Variants in CACNA1E observed in about 807,000 individuals in gnomAD.
The protein encoded by CACNA1E is voltage-dependent R-type calcium channel subunit alpha-1E.
A neutral mutation model predicts 259.2 loss-of-function variants in CACNA1E; 40 were observed. That is an observed-to-expected ratio of 0.15 (90% CI 0.12 to 0.20). The LOEUF (loss-of-function observed/expected upper bound fraction) is 0.20, where lower values mean the gene tolerates loss of function less well. Ranked by LOEUF, CACNA1E falls within the 10% of genes least tolerant of loss-of-function variation. The pLI, the probability that CACNA1E is intolerant of heterozygous loss-of-function variation, is 1.00. For missense variants in CACNA1E, 1,874 were observed against 3,040.1 expected, an observed-to-expected ratio of 0.62 and a Z score of 9.02; for synonymous variants, 1,104 against 1,138.5, an observed-to-expected ratio of 0.97 and a Z score of 0.61.
intron 1 of CACNA1E, among the ~76,000 whole-genome samples, chr1:181,393,795 G>A (rs1656464734): frequency 1.3e-5 from 2 of 152,208 alleles, no homozygotes; most frequent in Admixed American, 6.5e-5. Context: ...GGGGCAGTGA[G>A]TACTCATCTG....
chr1:181,601,702 G>T (rs1653763236), intron 6 of CACNA1E, among the ~76,000 whole-genome samples: 1 of 152,172 alleles, frequency 6.6e-6, no homozygotes, highest in African/African-American at 2.4e-5. Flanking sequence ...AGTTAGTGCA[G>T]TCTCTCCCTG....
intron 1 of CACNA1E, among the ~76,000 whole-genome samples, chr1:181,502,728 T>C (rs145263675): frequency 1.2e-3 from 178 of 152,318 alleles, no homozygotes; most frequent in African/African-American, 4.0e-3. Flanking sequence ...AGACAGAGTC[T>C]CACCCTGTCC....
intron 1 of CACNA1E, among the ~76,000 whole-genome samples, chr1:181,488,253 G>A (rs540496812): frequency 1.3e-5 from 2 of 152,130 alleles, no homozygotes; most frequent in Non-Finnish European, 2.9e-5. Context: ...CTGAGGTCCC[G>A]GTAAGAATTT....
chr1:181,548,039 T>A (rs1487133006), intron 3 of CACNA1E, among the ~76,000 whole-genome samples: 1 of 152,210 alleles, frequency 6.6e-6, no homozygotes, highest in African/African-American at 2.4e-5. Flanking sequence ...CATTGTCAGC[T>A]TTGCCTTAAT....
intron 1 of CACNA1E, among the ~76,000 whole-genome samples, chr1:181,355,504 C>T (rs1168397818): frequency 2.0e-5 from 3 of 152,166 alleles, no homozygotes; most frequent in Admixed American, 6.5e-5. Context: ...AGGAGAATCA[C>T]TTGAACCCGG....
intron 1 of CACNA1E, among the ~76,000 whole-genome samples, chr1:181,369,322 C>T (rs777045840): frequency 1.3e-5 from 2 of 152,182 alleles, no homozygotes; most frequent in Admixed American, 1.3e-4. Context: ...GCCGCATCTT[C>T]GGGCTCTGTT....
At chr1:181,586,036 G>A (rs2103002086) in intron 6 of CACNA1E, among the ~76,000 whole-genome samples, 1 of 152,046 alleles carries the variant, frequency 6.6e-6, no homozygotes, top group Non-Finnish European at 1.5e-5. Flanking sequence ...CAAGGTTATA[G>A]CAAGGATATA....
chr1:181,701,695 C>A (rs962961682), intron 7 of CACNA1E, among the ~76,000 whole-genome samples: 2 of 152,110 alleles, frequency 1.3e-5, no homozygotes, highest in African/African-American at 4.8e-5. Flanking sequence ...AAGTGTGGTC[C>A]CCTAGCCCTT....
chr1:181,513,163 A>G (rs1394967478), intron 3 of CACNA1E, among the ~76,000 whole-genome samples: 1 of 152,216 alleles, frequency 6.6e-6, no homozygotes, highest in Non-Finnish European at 1.5e-5. Flanking sequence ...TTTGTTTTAA[A>G]TGATTATATG....
rs777187664 is a variant in CACNA1E, at chr1:181,766,534, C to T, written c.4816-12C>T. The T allele has an allele frequency of 1.9e-6, 3 of 1,606,552 alleles. No homozygotes were observed. Among genetic ancestry groups the T allele is most frequent in the Non-Finnish European group, 1.7e-6 (2 of 1,173,300 alleles). ...TTCTTTGATTAACGTCTTATCTCTGCTTTCCTTCCAGGCCCTCCCTTATGT... is the reference window on the plus strand; with the variant it reads ...TTCTTTGATTAACGTCTTATCTCTGTTTTCCTTCCAGGCCCTCCCTTATGT... On this transcript the variant is annotated splice_polypyrimidine_tract_variant and intron_variant, in intron 34 of 47. Transcript: ENST00000367573.
At chr1:181,588,535 A>G (rs1474073835) in intron 6 of CACNA1E, among the ~76,000 whole-genome samples, 2 of 152,068 alleles carry the variant, frequency 1.3e-5, no homozygotes, top group Non-Finnish European at 2.9e-5. Flanking sequence ...TACTCATTGC[A>G]TTTCTGTCTT....
chr1:181,562,432 G>A (rs1649418191), intron 3 of CACNA1E, among the ~76,000 whole-genome samples: 1 of 152,060 alleles, frequency 6.6e-6, no homozygotes, highest in Non-Finnish European at 1.5e-5. Context: ...CTTCTTTTGT[G>A]AGTCATCATC....
intron 3 of CACNA1E, among the ~76,000 whole-genome samples, chr1:181,558,862 C>T (rs904193682): frequency 1.3e-5 from 2 of 151,950 alleles, no homozygotes; most frequent in Admixed American, 6.6e-5. Context: ...ATTATGAGGA[C>T]GTTGGCAGTA....
At chr1:181,388,105 C>T (rs964112145) in intron 1 of CACNA1E, among the ~76,000 whole-genome samples, 1 of 152,192 alleles carries the variant, frequency 6.6e-6, no homozygotes, top group Non-Finnish European at 1.5e-5. Context: ...TGTTTCTCCC[C>T]GGAGAGTGGA....
At chr1:181,646,092 G>A (rs532331452) in intron 6 of CACNA1E, among the ~76,000 whole-genome samples, 1 of 152,208 alleles carries the variant, frequency 6.6e-6, no homozygotes, top group African/African-American at 2.4e-5. Flanking sequence ...CAGAGGCTTT[G>A]GACAGATGCT....
chr1:181,574,680 G>A (rs746213055), intron 3 of CACNA1E, among the ~76,000 whole-genome samples: 31 of 152,150 alleles, frequency 2.0e-4, no homozygotes, highest in African/African-American at 3.6e-4. Context: ...AGGTGGACAC[G>A]TTATGGGAGC....
intron 26 of CACNA1E, 35 bp downstream of exon 26, chr1:181,750,522 A>C: frequency 6.2e-7 from 1 of 1,604,652 alleles, no homozygotes; most frequent in Non-Finnish European, 8.5e-7. Flanking sequence ...AGTAAACGAT[A>C]CAAGGAATGA....
intron 1 of CACNA1E, among the ~76,000 whole-genome samples, chr1:181,501,802 G>C (rs1334354689): frequency 6.6e-6 from 1 of 152,162 alleles, no homozygotes; most frequent in African/African-American, 2.4e-5. Context: ...TTTGAACAGA[G>C]GCAGCTGTTG....
At chr1:181,674,868 C>T (rs879568758) in intron 7 of CACNA1E, among the ~76,000 whole-genome samples, 3 of 152,208 alleles carry the variant, frequency 2.0e-5, no homozygotes, top group Non-Finnish European at 4.4e-5. Context: ...TGAGTGTCCC[C>T]CAGGTGGCAG....
Sources: allele counts gnomAD v4.1 joint callset (sites outside exome capture counted in the v4.1 genomes callset), GRCh38; gene constraint gnomAD v4.1.1; transcripts MANE v1.5; gene names NCBI Gene and HGNC (gene_info 2026-07-23, HGNC 2026-07-21).